SWAP70: variants seen among roughly 807,000 people sequenced by gnomAD.
The protein encoded by SWAP70 is switch-associated protein 70.
A neutral mutation model predicts 80.2 loss-of-function variants in SWAP70; 34 were observed. That is an observed-to-expected ratio of 0.42 (90% CI 0.32 to 0.56). The LOEUF (loss-of-function observed/expected upper bound fraction) is 0.56. SWAP70 is among the 20% of genes least tolerant of loss of function. The pLI is 0.09. For synonymous variants in SWAP70, 239 were observed against 238.5 expected, an observed-to-expected ratio of 1.00 and a Z score of -0.02; for missense variants, 578 against 690.7, an observed-to-expected ratio of 0.84 and a Z score of 1.83.
intron 1 of SWAP70, among the ~76,000 whole-genome samples, chr11:9,668,804 C>G (rs1850339396): frequency 6.6e-6 from 1 of 152,070 alleles, no homozygotes; most frequent in Admixed American, 6.6e-5. Flanking sequence ...TGATACTTGC[C>G]TTTTTGAGTT....
chr11:9,726,443 T>A (rs1851226476), intron 4 of SWAP70, among the ~76,000 whole-genome samples: 1 of 152,186 alleles, frequency 6.6e-6, no homozygotes, highest in Non-Finnish European at 1.5e-5. Flanking sequence ...TGAGGCTGAA[T>A]TTGTATAGGT....
rs1387650269 is a variant in SWAP70, at chr11:9,750,095, T to C, written c.*125T>C. The C allele has an allele frequency of 1.0e-5, 6 of 585,048 alleles. No individual in the cohort carries two copies. Among genetic ancestry groups the C allele is most frequent in the South Asian group, 6.3e-5 (3 of 47,556 alleles). The allele number at this position is 585,048 out of a possible 1,614,324, so 36.2% of individuals were successfully genotyped here. ...GCTCACGCCTGTAATCCCAGCACTTTGGGAGGCCGAGGCGGGTGGATCACC... is the reference window on the plus strand; with the variant it reads ...GCTCACGCCTGTAATCCCAGCACTTCGGGAGGCCGAGGCGGGTGGATCACC... On this transcript the variant is annotated 3_prime_UTR_variant, in exon 12 of 12. Transcript: ENST00000318950.
At chr11:9,734,210 T>G (rs57894518) in intron 7 of SWAP70, among the ~76,000 whole-genome samples, 3,514 of 152,320 alleles carry the variant, frequency 0.023, 155 homozygotes, top group African/African-American at 0.08. Flanking sequence ...CCCTCATCCC[T>G]AACCCCTGGA....
chr11:9,702,085 T>A (rs1850840308), intron 2 of SWAP70, among the ~76,000 whole-genome samples: 1 of 152,244 alleles, frequency 6.6e-6, no homozygotes, highest in Non-Finnish European at 1.5e-5. Context: ...GTTCAGTATG[T>A]CTCTCCTCCA....
At chr11:9,691,323 G>T (rs948298890) in intron 1 of SWAP70, among the ~76,000 whole-genome samples, 1 of 152,188 alleles carries the variant, frequency 6.6e-6, no homozygotes, top group African/African-American at 2.4e-5. Flanking sequence ...ATGAGTTTGG[G>T]TTGATAGTTA....
chr11:9,694,137 C>T lies in SWAP70; in HGVS notation c.100-9C>T, dbSNP rs1419955284. 6.3e-7 allele frequency: 1 copy of T among 1,580,700 alleles called. No homozygotes were observed. Among genetic ancestry groups the T allele is most frequent in the Non-Finnish European group, 8.6e-7 (1 of 1,165,236 alleles). ...GGGAGTCTTTAAACGATTTTCTTTT[C>T]CCTTGCAGGTCCTTTCCCATAACCT... On this transcript the variant is annotated splice_polypyrimidine_tract_variant and intron_variant, in intron 1 of 11. Coordinates refer to ENST00000318950, the MANE Select transcript of SWAP70 (RefSeq NM_015055.4).
intron 1 of SWAP70, among the ~76,000 whole-genome samples, chr11:9,671,674 A>AG (rs1176539056): frequency 9.1e-6 from 1 of 110,370 alleles, no homozygotes; most frequent in Non-Finnish European, 1.7e-5. Context: ...AAATATATAT[A>AG]AATAGAAATA....
intron 3 of SWAP70, among the ~76,000 whole-genome samples, chr11:9,716,729 T>C (rs1414651920): frequency 6.6e-6 from 1 of 152,160 alleles, no homozygotes; most frequent in Non-Finnish European, 1.5e-5. Context: ...AGGTGGAACA[T>C]CCTTGTGGAG....
chr11:9,669,818 G>A (rs1244653389), intron 1 of SWAP70, among the ~76,000 whole-genome samples: 1 of 152,066 alleles, frequency 6.6e-6, no homozygotes, highest in East Asian at 1.9e-4. Flanking sequence ...GATGAGTTGT[G>A]ATCAGAATTG....
At chr11:9,670,993 T>G (rs1454858411) in intron 1 of SWAP70, among the ~76,000 whole-genome samples, 2 of 149,968 alleles carry the variant, frequency 1.3e-5, no homozygotes, top group Non-Finnish European at 3.0e-5. Flanking sequence ...GACCTTGTGA[T>G]CCACCCACCT....
intron 2 of SWAP70, among the ~76,000 whole-genome samples, chr11:9,706,958 G>A (rs1850923506): frequency 1.3e-5 from 2 of 149,466 alleles, no homozygotes; most frequent in South Asian, 2.1e-4. Context: ...TTTTTCTTTA[G>A]CAAGATTCTT....
chr11:9,669,788 C>T (rs1486821312), intron 1 of SWAP70, among the ~76,000 whole-genome samples: 1 of 151,952 alleles, frequency 6.6e-6, no homozygotes, highest in Admixed American at 6.6e-5. Flanking sequence ...TGCCAGGGGC[C>T]CCCCAGGTTT....
chr11:9,711,717 C>T (rs112767799), intron 2 of SWAP70, among the ~76,000 whole-genome samples: 1,785 of 152,236 alleles, frequency 0.012, 34 homozygotes, highest in African/African-American at 0.04. Flanking sequence ...GTGGTTCAGC[C>T]GCAGTTCTGG....
At chr11:9,724,549 T>C in intron 3 of SWAP70, 109 bp from the exon 4 acceptor site, 1 of 800,198 alleles carries the variant, frequency 1.2e-6, no homozygotes, top group Non-Finnish European at 1.9e-6. Context: ...TTTTTGGAAC[T>C]GTAAAGAGTA....
intron 4 of SWAP70, among the ~76,000 whole-genome samples, chr11:9,725,563 ATATATATTTT>A (rs1270680959): frequency 5.4e-4 from 9 of 16,816 alleles, no homozygotes; most frequent in African/African-American, 2.4e-3. Context: ...ATATATATAT[ATATATATTTT>A]TTTTTTTTTT....
intron 2 of SWAP70, among the ~76,000 whole-genome samples, chr11:9,702,898 A>G (rs1850851220): frequency 6.6e-6 from 1 of 152,230 alleles, no homozygotes; most frequent in South Asian, 2.1e-4. Flanking sequence ...CATGTACTGT[A>G]AAGATATATT....
chr11:9,749,107 G>A lies in SWAP70; in HGVS notation c.1575G>A (p.Glu525=), dbSNP rs374126124. 2.5e-6 allele frequency: 4 copies of A among 1,612,728 alleles called. No homozygotes were observed. The highest frequency in any genetic ancestry group is 3.4e-6 in the Non-Finnish European group (4 of 1,179,270). ...TTCAGGAAGTTAAAAAGAAGCTGGAGATGGCAACTAATAAGACCAAGAGCT... is the reference window on the plus strand; with the variant it reads ...TTCAGGAAGTTAAAAAGAAGCTGGAAATGGCAACTAATAAGACCAAGAGCT... The part of the protein sequence containing the change: ...EQYEEVKKKL[E]MATNKTKSWK... Residue 525 remains glutamate (E), a synonymous_variant, in exon 11 of 12, where the codon GAG becomes GAA. Transcript: ENST00000318950.
chr11:9,678,087 T>A (rs1441421927), intron 1 of SWAP70, among the ~76,000 whole-genome samples: 1 of 152,236 alleles, frequency 6.6e-6, no homozygotes, highest in Non-Finnish European at 1.5e-5. Context: ...TGGAACACAA[T>A]ATACAAATGT....
chr11:9,724,521 A>G (rs1851181145), intron 3 of SWAP70, 137 bp from the exon 4 acceptor site: 1 of 625,080 alleles, frequency 1.6e-6, no homozygotes, highest in African/African-American at 1.8e-5. Context: ...GTATTTTAGG[A>G]GACTCTAAAG....
Sources: gnomAD v4.1 joint callset for allele counts (sites outside exome capture counted in the v4.1 genomes callset) on GRCh38, gnomAD v4.1.1 for gene constraint, MANE v1.5 for transcripts, NCBI Gene and HGNC (gene_info 2026-07-23, HGNC 2026-07-21) for gene names.